WWOX: variants seen among roughly 807,000 people sequenced by gnomAD.
WWOX encodes WW domain-containing oxidoreductase.
WWOX carries 69 observed loss-of-function variants against 46.2 expected under a neutral mutation model. That is an observed-to-expected ratio of 1.49 (90% confidence interval 1.23 to 1.82). The LOEUF is 1.82. WWOX is among the 40% of genes most tolerant of loss of function. The pLI, the probability that WWOX is intolerant of heterozygous loss-of-function variation, is 0.00. For synonymous variants in WWOX, 359 were observed against 202.6 expected, an observed-to-expected ratio of 1.77 and a Z score of -6.56; for missense variants, 919 against 542.6, an observed-to-expected ratio of 1.69 and a Z score of -6.89.
rs749277249 is a variant in WWOX, at chr16:78,425,009, C to A, written c.745C>A (p.Arg249Ser). 29 of 1,613,944 alleles carry A rather than the reference C, an allele frequency of 1.8e-5. No individual in the cohort carries two copies. The highest frequency in any genetic ancestry group is 2.5e-5 in the Non-Finnish European group (29 of 1,180,038). The change falls in exon 7 of 9, where the codon CGC (arginine) becomes AGC (serine). Residue 249 changes from arginine (R) to serine (S), a missense_variant. Coordinates refer to ENST00000566780, the MANE Select transcript of WWOX (RefSeq NM_016373.4). ...CCAGCTCCTCCAGGATGTTTTGTGC[C>A]GCTCAGCTCCTGCCCGTGTCATTGT... ...LVQLLQDVLCRSAPARVIVVS... is the reference protein window; with the variant it reads ...LVQLLQDVLCSSAPARVIVVS...
At chr16:79,055,623 C>T (rs1436227641) in intron 8 of WWOX, among the ~76,000 whole-genome samples, 1 of 152,138 alleles carries the variant, frequency 6.6e-6, no homozygotes, top group Admixed American at 6.5e-5. Context: ...GCAGAATAAA[C>T]AATTGCTATT....
intron 8 of WWOX, among the ~76,000 whole-genome samples, chr16:78,628,668 C>A (rs1397432960): frequency 2.0e-5 from 3 of 151,968 alleles, no homozygotes; most frequent in Non-Finnish European, 4.4e-5. Flanking sequence ...AAAATAAACA[C>A]CATGGTCACT....
chr16:78,736,032 G>A (rs1052904959), intron 8 of WWOX, among the ~76,000 whole-genome samples: 1 of 152,178 alleles, frequency 6.6e-6, no homozygotes, highest in African/African-American at 2.4e-5. Context: ...TTTGTTGAGT[G>A]GTGCAGACTA....
intron 8 of WWOX, among the ~76,000 whole-genome samples, chr16:78,597,605 C>T (rs1243839881): frequency 6.6e-6 from 1 of 152,038 alleles, no homozygotes; most frequent in African/African-American, 2.4e-5. Flanking sequence ...TCAAATTAAC[C>T]TCATTAAGTT....
intron 8 of WWOX, among the ~76,000 whole-genome samples, chr16:78,767,945 G>A (rs991885427): frequency 1.3e-5 from 2 of 152,022 alleles, no homozygotes; most frequent in Non-Finnish European, 2.9e-5. Context: ...CCAGCACCAC[G>A]AGTTTGGACT....
At chr16:78,575,340 C>T (rs952950794) in intron 8 of WWOX, among the ~76,000 whole-genome samples, 3 of 150,744 alleles carry the variant, frequency 2.0e-5, no homozygotes, top group Non-Finnish European at 3.0e-5. Context: ...GTATTTAGAA[C>T]GTATTTGTTT....
At chr16:78,165,852 C>G (rs541172151) in intron 5 of WWOX, among the ~76,000 whole-genome samples, 19 of 152,268 alleles carry the variant, frequency 1.2e-4, no homozygotes, top group Non-Finnish European at 1.5e-4. Flanking sequence ...CTTGAGCTCA[C>G]TGAGCTTATT....
intron 8 of WWOX, among the ~76,000 whole-genome samples, chr16:79,162,119 G>A (rs1200082561): frequency 1.3e-5 from 2 of 152,200 alleles, no homozygotes; most frequent in Non-Finnish European, 2.9e-5. Flanking sequence ...TTTACTGAGT[G>A]TTCCTACCTG....
chr16:78,892,280 C>G (rs1042420796), intron 8 of WWOX: 1 of 152,156 alleles, frequency 6.6e-6, no homozygotes, highest in Admixed American at 6.5e-5. Context: ...ACTCGATGAA[C>G]CACATGCTAA....
chr16:78,993,775 C>G (rs1014733706), intron 8 of WWOX, among the ~76,000 whole-genome samples: 1 of 152,192 alleles, frequency 6.6e-6, no homozygotes, highest in South Asian at 2.1e-4. Flanking sequence ...TGGCCTGAGT[C>G]CGGGGGTGGC....
intron 8 of WWOX, among the ~76,000 whole-genome samples, chr16:78,946,514 CAAG>C (rs2045951702): frequency 6.6e-6 from 1 of 151,996 alleles, no homozygotes; most frequent in Non-Finnish European, 1.5e-5. Flanking sequence ...AAGAAATAGT[CAAG>C]AAGTTTCTAG....
chr16:79,016,054 C>T (rs1034401727), intron 8 of WWOX: 3 of 152,200 alleles, frequency 2.0e-5, no homozygotes. Flanking sequence ...TGGCCTGATC[C>T]TGACTTAGTT....
chr16:78,157,412 A>T (rs1248546581), intron 4 of WWOX, among the ~76,000 whole-genome samples: 1 of 152,200 alleles, frequency 6.6e-6, no homozygotes, highest in Non-Finnish European at 1.5e-5. Context: ...AAGGGGTGAC[A>T]TTGGTATCAC....
At chr16:79,080,736 G>A (rs1241635371) in intron 8 of WWOX, among the ~76,000 whole-genome samples, 1 of 152,326 alleles carries the variant, frequency 6.6e-6, no homozygotes, top group Non-Finnish European at 1.5e-5. Flanking sequence ...GGAGGCTGAA[G>A]TGGGAGGATC....
At chr16:78,512,596 A>G (rs1274936996) in intron 8 of WWOX, among the ~76,000 whole-genome samples, 2 of 152,248 alleles carry the variant, frequency 1.3e-5, no homozygotes, top group African/African-American at 4.8e-5. Context: ...TTCAGCAAAT[A>G]GGACTTGAGT....
At position 78,248,544 on chromosome 16, in the gene WWOX, T is replaced by C. The variant is rs117322328; in HGVS notation, c.516+84255T>C. Among the ~76,000 whole-genome samples, 794 of 152,232 alleles carry C rather than the reference T, an allele frequency of 5.2e-3. 5 individuals carry two copies. The highest frequency in any genetic ancestry group is 0.015 in the Admixed American group (225 of 15,296). On this transcript the variant is annotated intron_variant, in intron 5 of 8. Transcript: ENST00000566780. ...TGAGCTCAGTCGTTTGAGACCATCC[T>C]GCACAATACGGTGAAAACTCATCTC... is the stretch of plus-strand genomic sequence containing the variant.
intron 8 of WWOX, among the ~76,000 whole-genome samples, chr16:78,815,287 T>C (rs773339034): frequency 1.3e-5 from 2 of 150,520 alleles, no homozygotes; most frequent in Non-Finnish European, 1.5e-5. Context: ...ATTGTGCCAC[T>C]GCACTCCAGC....
intron 8 of WWOX, among the ~76,000 whole-genome samples, chr16:78,757,455 T>A (rs1365652378): frequency 1.3e-5 from 2 of 152,148 alleles, no homozygotes. Context: ...TGGTGTGATG[T>A]GTTTGCCTGA....
At chr16:78,718,435 T>G (rs886625317) in intron 8 of WWOX, among the ~76,000 whole-genome samples, 9 of 152,208 alleles carry the variant, frequency 5.9e-5, no homozygotes, top group African/African-American at 2.2e-4. Context: ...TCACTTGAGT[T>G]GGAGCCAAAC....
Sources: allele counts gnomAD v4.1 joint callset (sites outside exome capture counted in the v4.1 genomes callset), GRCh38; gene constraint gnomAD v4.1.1; transcripts MANE v1.5; gene names NCBI Gene and HGNC (gene_info 2026-07-23, HGNC 2026-07-21).